The following TOX variants were observed in gnomAD, a reference collection of about 807,000 sequenced individuals.
TOX encodes the protein thymocyte selection associated high mobility group box.
A neutral mutation model predicts 53.7 loss-of-function variants in TOX; 11 were observed. That is an observed-to-expected ratio of 0.20 (90% CI 0.13 to 0.34). TOX has a LOEUF of 0.34. Among genes scored for constraint, TOX ranks in the 10% least tolerant of loss-of-function variants. TOX has a pLI of 1.00. For synonymous variants in TOX, 225 were observed against 245.3 expected (o/e 0.92, Z 0.77); for missense variants, 570 against 664.6 (o/e 0.86, Z 1.56).
At chr8:58,857,188 T>C (rs192585651) in intron 3 of TOX, among the ~76,000 whole-genome samples, 11 of 152,298 alleles carry the variant, frequency 7.2e-5, no homozygotes, top group Non-Finnish European at 1.3e-4. Context: ...ACATAAATAG[T>C]TGTTATAAAT....
At position 58,851,846 on chromosome 8, in the gene TOX, AATAG is replaced by A. The variant is rs752893985; in HGVS notation, c.412-45_412-42del. The A allele has an allele frequency of 2.0e-6, 2 of 997,542 alleles. No individual in the cohort carries two copies. Among genetic ancestry groups the A allele is most frequent in the South Asian group, 3.9e-5 (1 of 25,908 alleles). 61.8% of individuals were successfully genotyped at this position (997,542 alleles called of 1,614,324 possible). Reference sequence around the variant, plus strand: ...AAATAAATAAATAAATAAATAAATAAATAGGAAAGGAGTAATTTTAACAAATATG... The same window carrying A: ...AAATAAATAAATAAATAAATAAATAAGAAAGGAGTAATTTTAACAAATATG... On this transcript the variant is annotated intron_variant, in intron 3 of 8. Coordinates refer to ENST00000361421, the MANE Select transcript of TOX (RefSeq NM_014729.3). This position sits in a 1 kb window ranked among gnomAD's most constrained non-coding sequence, Gnocchi z 4.4.
At chr8:58,912,381 C>T (rs1811923347) in intron 3 of TOX, among the ~76,000 whole-genome samples, 1 of 152,174 alleles carries the variant, frequency 6.6e-6, no homozygotes, top group African/African-American at 2.4e-5. Flanking sequence ...TCAAACTCTG[C>T]GCATGATTCT....
intron 3 of TOX, among the ~76,000 whole-genome samples, chr8:58,897,228 T>G (rs1268337789): frequency 6.6e-6 from 1 of 152,138 alleles, no homozygotes. Flanking sequence ...TTTCTCCAAT[T>G]ACCACTCACA....
chr8:58,846,747 G>A (rs1810725727), intron 4 of TOX, among the ~76,000 whole-genome samples: 1 of 152,104 alleles, frequency 6.6e-6, no homozygotes, highest in Non-Finnish European at 1.5e-5. Context: ...GTTGAACCTC[G>A]TGTGAATTTG....
rs1239376200 is a variant in TOX, at chr8:58,928,214, C to T, written c.411+11088G>A. ...ATGCGGGAGATGCTGCAGGGAAGCG[C>T]AGCTTCAGAGAAGGCAGAGCGCCCG... On this transcript the variant is annotated intron_variant, in intron 3 of 8. Coordinates refer to ENST00000361421, the MANE Select transcript of TOX (RefSeq NM_014729.3). 2.6e-5 allele frequency among the ~76,000 whole-genome samples: 4 copies of T among 152,348 alleles called. No homozygotes were observed. The East Asian group carries it at 7.7e-4, about 29-fold the overall frequency.
chr8:59,092,153 G>T (rs1206170447), intron 1 of TOX, among the ~76,000 whole-genome samples: 1 of 149,480 alleles, frequency 6.7e-6, no homozygotes, highest in Non-Finnish European at 1.5e-5. Context: ...TCGGGAGGCA[G>T]AGGCAGGAGA....
intron 6 of TOX, among the ~76,000 whole-genome samples, chr8:58,817,316 T>C (rs2129164854): frequency 6.6e-6 from 1 of 152,030 alleles, no homozygotes; most frequent in South Asian, 2.1e-4. Context: ...AAACTGTTCA[T>C]GCAAAAATTT....
rs115920447 is a variant in TOX at position 58,934,017 on chromosome 8, A to G, written c.411+5285T>C. On this transcript the variant is annotated intron_variant, in intron 3 of 8. Transcript: ENST00000361421. The stretch of plus-strand genomic sequence containing the variant: ...ACCAGACTCTATCTCTGAGAAGTGC[A>G]CACAAATCAATTACTCACTATCAAA... Among the ~76,000 whole-genome samples the G allele has an allele frequency of 3.2e-3, 491 of 152,302 alleles. 3 individuals carry two copies. Among genetic ancestry groups the G allele is most frequent in the African/African-American group, 0.011 (463 of 41,556 alleles).
chr8:59,092,580 A>C (rs1385914535), intron 1 of TOX, among the ~76,000 whole-genome samples: 1 of 151,734 alleles, frequency 6.6e-6, no homozygotes, highest in Non-Finnish European at 1.5e-5. Context: ...AACAAATGCC[A>C]AGCTCTTTAA....
intron 1 of TOX, among the ~76,000 whole-genome samples, chr8:59,014,078 A>C (rs1192516466): frequency 6.6e-6 from 1 of 152,244 alleles, no homozygotes; most frequent in Non-Finnish European, 1.5e-5. Context: ...TTTAGAAATG[A>C]ATAAAGTTTA....
At chr8:59,066,261 A>G (rs1156533903) in intron 1 of TOX, among the ~76,000 whole-genome samples, 2 of 152,224 alleles carry the variant, frequency 1.3e-5, no homozygotes, top group Non-Finnish European at 1.5e-5. Flanking sequence ...TATTTAATGA[A>G]CAAATAAGTC....
At chr8:58,988,494 C>G (rs981523684) in intron 1 of TOX, among the ~76,000 whole-genome samples, 2 of 152,150 alleles carry the variant, frequency 1.3e-5, no homozygotes, top group Non-Finnish European at 2.9e-5. Context: ...ATGATGCCAA[C>G]CCCTGAGCTA....
intron 1 of TOX, among the ~76,000 whole-genome samples, chr8:59,110,267 A>G (rs2129424891): frequency 6.6e-6 from 1 of 152,266 alleles, no homozygotes; most frequent in South Asian, 2.1e-4. Flanking sequence ...GCCAAATGAT[A>G]AAATACACTT....
At chr8:58,837,287 G>T (rs1229497403) in intron 5 of TOX, among the ~76,000 whole-genome samples, 1 of 152,138 alleles carries the variant, frequency 6.6e-6, no homozygotes, top group Non-Finnish European at 1.5e-5. Context: ...TTATTTTAAT[G>T]AAAATGCTTT....
chr8:58,927,956 G>A (rs1333140329), intron 3 of TOX, among the ~76,000 whole-genome samples: 6 of 152,158 alleles, frequency 3.9e-5, no homozygotes, highest in Non-Finnish European at 7.3e-5. Context: ...CCACTCATAC[G>A]GCTTCTCAAG....
chr8:58,838,418 C>G lies in TOX; in HGVS notation c.694-107G>C, dbSNP rs534298415. The G allele has an allele frequency of 6.8e-5, 56 of 821,366 alleles. No homozygotes were observed. The South Asian group carries it at 8.7e-4, about 13-fold the overall frequency. 50.9% of individuals were successfully genotyped at this position (821,366 alleles called of 1,614,324 possible). A position where few individuals can be genotyped will look rare whatever the true frequency, so the allele number is the denominator to read the frequency against. On this transcript the variant is annotated intron_variant, in intron 4 of 8. Transcript: ENST00000361421. ...TAGACACATACCCATTCACATCACT[C>G]AAACACAGGCTTTTCTAAGGGACAC... is the stretch of plus-strand genomic sequence containing the variant.
At position 58,880,375 on chromosome 8, in the gene TOX, A is replaced by G. The variant is rs906063514; in HGVS notation, c.412-28570T>C. On this transcript the variant is annotated intron_variant, in intron 3 of 8. Coordinates refer to ENST00000361421, the MANE Select transcript of TOX (RefSeq NM_014729.3). ...ATCCCTTCAGAGCTGTGAGAGTTAA[A>G]TAATACATGCAAAATATCTGGCGTA... 4.6e-5 allele frequency among the ~76,000 whole-genome samples: 7 copies of G among 152,362 alleles called. No homozygotes were observed. In the South Asian group the frequency reaches 6.2e-4, roughly 14 times the overall value.
intron 3 of TOX, among the ~76,000 whole-genome samples, chr8:58,931,330 CAAAA>C (rs113247058): frequency 2.2e-5 from 3 of 137,640 alleles, no homozygotes; most frequent in African/African-American, 7.9e-5. Flanking sequence ...TCATAAATGT[CAAAA>C]AAAAAAAGAG....
rs554550728 is a variant in TOX at position 59,086,736 on chromosome 8, T to C, written c.102+32150A>G. Among the ~76,000 whole-genome samples, 127 of 152,346 alleles carry C rather than the reference T, an allele frequency of 8.3e-4. 1 individual carries two copies. The highest frequency in any genetic ancestry group is 6.8e-3 in the Middle Eastern group (2 of 294). On this transcript the variant is annotated intron_variant, in intron 1 of 8. Transcript: ENST00000361421. ...AATGAGATTGCTAAATTTCTCGGCT[T>C]GATAGCTTCGTAATAAATAATGTGC...
Sources: gnomAD v4.1 joint callset for allele counts (sites outside exome capture counted in the v4.1 genomes callset) on GRCh38, gnomAD v4.1.1 for gene constraint, Gnocchi (gnomAD v3.1) non-coding constraint, MANE v1.5 for transcripts, NCBI Gene and HGNC (gene_info 2026-07-23, HGNC 2026-07-21) for gene names.